Variants in LRRC7 observed in about 807,000 individuals in gnomAD.
LRRC7 encodes the protein leucine-rich repeat-containing protein 7.
In LRRC7, 23 loss-of-function variants were observed where a neutral mutation model predicts 175.7. The observed-to-expected ratio is 0.13, with a 90% CI of 0.09 to 0.19. The LOEUF (loss-of-function observed/expected upper bound fraction) is 0.19. Ranked by LOEUF, LRRC7 falls within the 10% of genes least tolerant of loss-of-function variation. The pLI, the probability that LRRC7 is intolerant of heterozygous loss-of-function variation, is 1.00. For synonymous variants in LRRC7, 685 were observed against 680.9 expected (o/e 1.01, Z -0.09); for missense variants, 1,354 against 1,904.7 (o/e 0.71, Z 5.38).
intron 22 of LRRC7, among the ~76,000 whole-genome samples, chr1:70,048,061 TA>T (rs1463234028): frequency 9.2e-5 from 14 of 152,096 alleles, no homozygotes; most frequent in African/African-American, 3.4e-4. Context: ...ATGATGTTAC[TA>T]ATGGTTCCAT....
intron 4 of LRRC7, among the ~76,000 whole-genome samples, chr1:69,820,298 G>A (rs1268376832): frequency 6.6e-6 from 1 of 151,810 alleles, no homozygotes; most frequent in Middle Eastern, 3.2e-3. Flanking sequence ...ACTTAACTTT[G>A]ATCACTTATA....
At chr1:69,884,424 G>C (rs1167440984) in intron 7 of LRRC7, among the ~76,000 whole-genome samples, 36 of 105,872 alleles carry the variant, frequency 3.4e-4, no homozygotes, top group Middle Eastern at 4.2e-3. Context: ...TTTGTATGTT[G>C]TTGGTGTATA....
chr1:69,834,977 C>A (rs1281563869), intron 6 of LRRC7, 108 bp downstream of exon 6: 4 of 774,584 alleles, frequency 5.2e-6, no homozygotes, highest in Non-Finnish European at 6.2e-6. Context: ...TAAAGATAGG[C>A]CTCATTATTA....
intron 2 of LRRC7, among the ~76,000 whole-genome samples, chr1:69,719,462 A>G (rs566676344): frequency 8.6e-4 from 130 of 151,764 alleles, no homozygotes; most frequent in Non-Finnish European, 1.6e-3. Context: ...TTAAATAAAC[A>G]AATAGGACTA....
At chr1:69,878,929 C>T (rs180901300) in intron 7 of LRRC7, among the ~76,000 whole-genome samples, 2 of 148,042 alleles carry the variant, frequency 1.4e-5, no homozygotes, top group East Asian at 2.0e-4. Context: ...ATATGGTGTA[C>T]ATTTGTCCAA....
At chr1:70,074,975 A>T (rs1662670278) in intron 23 of LRRC7, among the ~76,000 whole-genome samples, 1 of 152,186 alleles carries the variant, frequency 6.6e-6, no homozygotes, top group Non-Finnish European at 1.5e-5. Flanking sequence ...TAGTCAGGAC[A>T]TTTCACAAGC....
chr1:69,775,374 C>G (rs983012821), intron 3 of LRRC7, among the ~76,000 whole-genome samples: 1 of 152,154 alleles, frequency 6.6e-6, no homozygotes, highest in East Asian at 1.9e-4. Context: ...TTGTTATACT[C>G]TAGAGAATTA....
chr1:69,697,204 T>C (rs565243043), intron 2 of LRRC7, among the ~76,000 whole-genome samples: 126 of 152,336 alleles, frequency 8.3e-4, no homozygotes, highest in African/African-American at 3.0e-3. Context: ...TTCCCACTTC[T>C]TCCGTTCTAA....
intron 7 of LRRC7, among the ~76,000 whole-genome samples, chr1:69,871,107 C>T (rs1428170649): frequency 6.6e-6 from 1 of 151,980 alleles, no homozygotes; most frequent in African/African-American, 2.4e-5. Flanking sequence ...AAAGTTTATA[C>T]AATGTATTTT....
In LRRC7 at chr1:70,039,354, C is replaced by T; in HGVS notation, c.3530C>T (p.Pro1177Leu). 6.2e-7 allele frequency: 1 copy of T among 1,614,032 alleles called. No homozygotes were observed. Among genetic ancestry groups the T allele is most frequent in the Non-Finnish European group, 8.5e-7 (1 of 1,180,000 alleles). The change falls in exon 21 of 27, where the codon CCA becomes CTA. Residue 1177 changes from proline (P) to leucine (L), a missense_variant. Pro to Leu is a moderately conservative substitution (Grantham distance 98). Around this residue, in one of 4 missense-constraint regions of LRRC7, gnomAD observed 1,032 missense variants for 1,227.2 expected, o/e 0.84. Transcript: ENST00000651989. The stretch of plus-strand genomic sequence containing the variant: ...GTCAATGAGCCTCATGAGCTGCCCC[C>T]AACTGATAGGTACGGCAGACCCCCA... ...RRVNEPHELP[P>L]TDRYGRPPYR...
intron 8 of LRRC7, among the ~76,000 whole-genome samples, chr1:69,941,961 G>A (rs1648767270): frequency 6.6e-6 from 1 of 152,006 alleles, no homozygotes; most frequent in Non-Finnish European, 1.5e-5. Context: ...CAGAATTTTA[G>A]GACTGTTGTC....
chr1:69,724,285 T>G (rs1666687353), intron 2 of LRRC7, among the ~76,000 whole-genome samples: 1 of 152,142 alleles, frequency 6.6e-6, no homozygotes, highest in African/African-American at 2.4e-5. Flanking sequence ...GAGGTTGCAG[T>G]GAACCAAGAT....
intron 23 of LRRC7, among the ~76,000 whole-genome samples, chr1:70,056,922 A>G (rs1476112623): frequency 6.6e-6 from 1 of 152,150 alleles, no homozygotes; most frequent in Non-Finnish European, 1.5e-5. Context: ...CAAGCAAGAT[A>G]AGTATGACTA....
At chr1:69,844,999 G>A (rs1033281700) in intron 7 of LRRC7, among the ~76,000 whole-genome samples, 1 of 152,002 alleles carries the variant, frequency 6.6e-6, no homozygotes, top group Non-Finnish European at 1.5e-5. Flanking sequence ...CCTATAGTTC[G>A]AGCACTTTGG....
intron 7 of LRRC7, among the ~76,000 whole-genome samples, chr1:69,907,598 C>A (rs567378262): frequency 1.2e-4 from 19 of 152,206 alleles, no homozygotes; most frequent in Admixed American, 1.1e-3. Flanking sequence ...GCCTTGCATC[C>A]CAGGGATGAA....
At chr1:70,121,698 T>A in intron 26 of LRRC7, 82 bp from the exon 27 acceptor site, 1 of 871,550 alleles carries the variant, frequency 1.1e-6, no homozygotes, top group East Asian at 2.6e-5. Flanking sequence ...TGCTCAGTGC[T>A]CCCGTGAATT....
intron 1 of LRRC7, among the ~76,000 whole-genome samples, chr1:69,670,048 A>G (rs911892787): frequency 6.6e-6 from 1 of 152,192 alleles, no homozygotes; most frequent in Non-Finnish European, 1.5e-5. Flanking sequence ...TCTAAAGGTC[A>G]CATATCTCTG....
chr1:69,787,740 G>C (rs554002055), intron 3 of LRRC7, among the ~76,000 whole-genome samples: 7 of 152,234 alleles, frequency 4.6e-5, no homozygotes, highest in Admixed American at 4.6e-4. Context: ...TTGCTTTGGT[G>C]ACTAACTTTC....
At chr1:69,887,085 A>G (rs1645657417) in intron 7 of LRRC7, among the ~76,000 whole-genome samples, 1 of 143,986 alleles carries the variant, frequency 6.9e-6, no homozygotes, top group African/African-American at 2.6e-5. Flanking sequence ...TGAATCTGAC[A>G]ATTATGTGTC....
Sources: allele counts gnomAD v4.1 joint callset (sites outside exome capture counted in the v4.1 genomes callset), GRCh38; gene constraint gnomAD v4.1.1; regional missense constraint gnomAD v4.1.1; transcripts MANE v1.5; gene names NCBI Gene and HGNC (gene_info 2026-07-23, HGNC 2026-07-21).